The following NRXN1 variants were observed in gnomAD, a reference collection of about 807,000 sequenced individuals.
NRXN1 encodes neurexin 1, also known as neurexin-1.
NRXN1 carries 39 observed loss-of-function variants against 150.9 expected under a neutral mutation model. That is an observed-to-expected ratio of 0.26 (90% confidence interval 0.20 to 0.34). NRXN1 has a LOEUF of 0.34. NRXN1 is among the 10% of genes least tolerant of loss of function. The probability of loss-of-function intolerance (pLI) is 1.00; values close to 1 mark genes in which losing one functional copy is unlikely to be tolerated. For synonymous variants in NRXN1, 924 were observed against 757.0 expected, an observed-to-expected ratio of 1.22 and a Z score of -3.62; for missense variants, 1,815 against 1,949.9, an observed-to-expected ratio of 0.93 and a Z score of 1.30.
intron 8 of NRXN1, chr2:50,615,270 G>A (rs1678883906): frequency 1.3e-5 from 2 of 152,026 alleles, no homozygotes; most frequent in South Asian, 4.1e-4. Flanking sequence ...AGCATTCTAA[G>A]TTACCTCACA....
intron 13 of NRXN1, among the ~76,000 whole-genome samples, chr2:50,504,589 T>C (rs2092125920): frequency 6.6e-6 from 1 of 151,932 alleles, no homozygotes; most frequent in Admixed American, 6.6e-5. Flanking sequence ...AAAAAATGTT[T>C]TTCACCATTC....
chr2:50,703,789 A>T (rs1187901570), intron 5 of NRXN1, among the ~76,000 whole-genome samples: 1 of 152,130 alleles, frequency 6.6e-6, no homozygotes, highest in Non-Finnish European at 1.5e-5. Context: ...CACTTAATTA[A>T]TCCTATAGAC....
intron 17 of NRXN1, among the ~76,000 whole-genome samples, chr2:50,367,571 A>C (rs1394476142): frequency 6.6e-6 from 1 of 151,998 alleles, no homozygotes; most frequent in Non-Finnish European, 1.5e-5. Context: ...TTCTAAATTG[A>C]GGAAACAAGT....
At chr2:49,990,152 C>T (rs1398397750) in intron 21 of NRXN1, among the ~76,000 whole-genome samples, 1 of 151,746 alleles carries the variant, frequency 6.6e-6, no homozygotes, top group African/African-American at 2.4e-5. Context: ...AAAGGGATGG[C>T]CCTTTATATT....
intron 5 of NRXN1, among the ~76,000 whole-genome samples, chr2:50,640,965 C>G (rs1239814925): frequency 6.6e-6 from 1 of 152,078 alleles, no homozygotes; most frequent in African/African-American, 2.4e-5. Context: ...GAAATAAAGA[C>G]AAAGAACAAG....
chr2:51,029,848 C>T (rs564187722), intron 1 of NRXN1, among the ~76,000 whole-genome samples: 1 of 152,288 alleles, frequency 6.6e-6, no homozygotes, highest in South Asian at 2.1e-4. Flanking sequence ...ATATTAACTT[C>T]TCTAAAGGTG....
At chr2:50,901,143 T>C (rs1393552739) in intron 5 of NRXN1, among the ~76,000 whole-genome samples, 6 of 152,174 alleles carry the variant, frequency 3.9e-5, no homozygotes, top group African/African-American at 1.2e-4. Context: ...CCATGATCCA[T>C]GATTTTCATC....
intron 8 of NRXN1, among the ~76,000 whole-genome samples, chr2:50,597,351 T>C (rs963003796): frequency 2.0e-5 from 3 of 152,304 alleles, no homozygotes; most frequent in East Asian, 3.9e-4. Context: ...CCTGAGGATC[T>C]ACTTTCAAGG....
chr2:50,641,385 T>G (rs944494322), intron 5 of NRXN1, among the ~76,000 whole-genome samples: 7 of 151,662 alleles, frequency 4.6e-5, no homozygotes, highest in Non-Finnish European at 1.0e-4. Flanking sequence ...AATGGAAGAG[T>G]GGGCAGGTGG....
At chr2:50,652,691 T>C (rs1336078790) in intron 5 of NRXN1, among the ~76,000 whole-genome samples, 1 of 152,080 alleles carries the variant, frequency 6.6e-6, no homozygotes, top group East Asian at 1.9e-4. Context: ...ACACATGTTT[T>C]CATTTCTCTT....
At chr2:50,382,669 C>A (rs866129906) in intron 17 of NRXN1, among the ~76,000 whole-genome samples, 2 of 152,226 alleles carry the variant, frequency 1.3e-5, no homozygotes, top group Middle Eastern at 6.8e-3. Context: ...TTATGAAACT[C>A]CAAAGCGGAA....
intron 21 of NRXN1, among the ~76,000 whole-genome samples, chr2:50,001,773 T>C (rs1683968062): frequency 2.0e-5 from 3 of 152,246 alleles, no homozygotes; most frequent in Middle Eastern, 3.4e-3. Context: ...CTTAGACTGA[T>C]AAGTAATTTC....
intron 2 of NRXN1, among the ~76,000 whole-genome samples, chr2:50,926,827 C>A (rs1003767214): frequency 6.6e-6 from 1 of 151,650 alleles, no homozygotes; most frequent in African/African-American, 2.4e-5. Context: ...CATGTGTGTA[C>A]CTATGTATAT....
intron 17 of NRXN1, among the ~76,000 whole-genome samples, chr2:50,435,762 T>G (rs1052830232): frequency 6.6e-6 from 1 of 152,016 alleles, no homozygotes; most frequent in South Asian, 2.1e-4. Context: ...TGAGAACACA[T>G]GGACACAAAG....
chr2:50,616,279 C>T (rs1009183199), intron 8 of NRXN1: 1 of 152,020 alleles, frequency 6.6e-6, no homozygotes, highest in African/African-American at 2.4e-5. Context: ...TAGGTTTTAC[C>T]AAATTATTTT....
chr2:50,140,934 A>C (rs1280951346), intron 18 of NRXN1, among the ~76,000 whole-genome samples: 1 of 152,052 alleles, frequency 6.6e-6, no homozygotes, highest in Admixed American at 6.6e-5. Context: ...CAACTACAAA[A>C]AATTATATTC....
chr2:50,645,375 A>G (rs1035579867), intron 5 of NRXN1, among the ~76,000 whole-genome samples: 5 of 152,034 alleles, frequency 3.3e-5, no homozygotes, highest in African/African-American at 1.2e-4. Context: ...ATGTATATAA[A>G]TAAGAATGCT....
chr2:50,936,367 G>A (rs1287915796), intron 2 of NRXN1, among the ~76,000 whole-genome samples: 2 of 152,104 alleles, frequency 1.3e-5, no homozygotes, highest in Non-Finnish European at 2.9e-5. Context: ...TCCTGACTCA[G>A]TACTATCTTA....
intron 5 of NRXN1, chr2:50,841,225 A>C (rs1270650689): frequency 6.6e-6 from 1 of 152,624 alleles, no homozygotes; most frequent in Non-Finnish European, 1.5e-5. Context: ...AGTATCTTCC[A>C]CACTAAATGA....
Sources: gnomAD v4.1 joint callset for allele counts (sites outside exome capture counted in the v4.1 genomes callset) on GRCh38, gnomAD v4.1.1 for gene constraint, MANE v1.5 for transcripts, NCBI Gene and HGNC (gene_info 2026-07-23, HGNC 2026-07-21) for gene names.